MYRIP: variants seen among roughly 807,000 people sequenced by gnomAD.
MYRIP encodes myosin VIIA and Rab interacting protein.
MYRIP carries 49 observed loss-of-function variants against 98.0 expected under a neutral mutation model. That is an observed-to-expected ratio of 0.50 (90% CI 0.40 to 0.63). MYRIP has a LOEUF of 0.63. Among genes scored for constraint, MYRIP ranks in the 30% least tolerant of loss-of-function variants. The probability of loss-of-function intolerance (pLI) is 0.00; values close to 1 mark genes in which losing one functional copy is unlikely to be tolerated. For missense variants in MYRIP, 1,004 were observed against 1,058.2 expected (o/e 0.95, Z 0.71); for synonymous variants, 404 against 409.5 (o/e 0.99, Z 0.16).
intron 2 of MYRIP, among the ~76,000 whole-genome samples, chr3:40,020,003 AT>A (rs1946954365): frequency 6.6e-6 from 1 of 152,190 alleles, no homozygotes; most frequent in African/African-American, 2.4e-5. Flanking sequence ...TTCAGCTTTT[AT>A]TTTAGATTCA....
At chr3:40,059,285 T>C (rs962829479) in intron 3 of MYRIP, among the ~76,000 whole-genome samples, 6 of 152,226 alleles carry the variant, frequency 3.9e-5, no homozygotes, top group African/African-American at 1.4e-4. Flanking sequence ...TCTAATCCTT[T>C]GGGTATATAC....
intron 10 of MYRIP, among the ~76,000 whole-genome samples, chr3:40,192,485 ATGACTGCAAGTGCATTTGGTG>A (rs1390791169): frequency 6.6e-6 from 1 of 151,714 alleles, no homozygotes; most frequent in African/African-American, 2.4e-5. Flanking sequence ...CTCCACCAAA[ATGACTGCAAGTGCATTTGGTG>A]TGAATCCATG....
intron 2 of MYRIP, among the ~76,000 whole-genome samples, chr3:39,908,619 T>C (rs1337263766): frequency 2.0e-5 from 3 of 152,250 alleles, no homozygotes; most frequent in East Asian, 1.9e-4. Flanking sequence ...CATGGTACTT[T>C]AATAAAATGA....
intron 1 of MYRIP, among the ~76,000 whole-genome samples, chr3:39,860,706 C>T (rs894939340): frequency 6.6e-6 from 1 of 152,198 alleles, no homozygotes; most frequent in African/African-American, 2.4e-5. Flanking sequence ...AGCCCACCTA[C>T]TCCCTGCCCC....
intron 9 of MYRIP, among the ~76,000 whole-genome samples, chr3:40,187,912 C>T (rs1951080667): frequency 6.6e-6 from 1 of 152,156 alleles, no homozygotes; most frequent in African/African-American, 2.4e-5. Flanking sequence ...GTCACTAGGG[C>T]TTTACTACAT....
rs139198708 is a variant in MYRIP, at chr3:39,936,838, C to T, written c.110+35912C>T. On this transcript the variant is annotated intron_variant, in intron 2 of 16. Transcript: ENST00000302541. Reference sequence around the variant, plus strand: ...CGTGTGTATCTCTGTTGCACTGAAGCCAAGTTGTCATTCTCCAGGTCCCTA... The same window carrying T: ...CGTGTGTATCTCTGTTGCACTGAAGTCAAGTTGTCATTCTCCAGGTCCCTA... 4.6e-3 allele frequency among the ~76,000 whole-genome samples: 706 copies of T among 152,122 alleles called. 5 individuals carry two copies. The highest frequency in any genetic ancestry group is 0.016 in the African/African-American group (677 of 41,492).
chr3:40,245,999 C>T (rs915871840), intron 13 of MYRIP, among the ~76,000 whole-genome samples: 1 of 148,334 alleles, frequency 6.7e-6, no homozygotes. Context: ...TGACCTCAGG[C>T]GATCCACCCG....
At chr3:39,913,274 C>T (rs983013097) in intron 2 of MYRIP, among the ~76,000 whole-genome samples, 1 of 152,090 alleles carries the variant, frequency 6.6e-6, no homozygotes, top group African/African-American at 2.4e-5. Flanking sequence ...TGCTTCTCTG[C>T]TTAGAGGATA....
chr3:40,228,137 G>T (rs1006519256), intron 11 of MYRIP, among the ~76,000 whole-genome samples: 2 of 152,080 alleles, frequency 1.3e-5, no homozygotes, highest in African/African-American at 4.8e-5. Flanking sequence ...GGCCCCCATG[G>T]ATATCTAGAG....
At chr3:39,880,081 A>C (rs1422562082) in intron 1 of MYRIP, among the ~76,000 whole-genome samples, 1 of 151,726 alleles carries the variant, frequency 6.6e-6, no homozygotes, top group Non-Finnish European at 1.5e-5. Context: ...TTATACTTTA[A>C]ATTTTAGGGT....
At chr3:40,017,495 CT>C (rs1946889741) in intron 2 of MYRIP, among the ~76,000 whole-genome samples, 3 of 152,236 alleles carry the variant, frequency 2.0e-5, no homozygotes, top group African/African-American at 7.2e-5. Flanking sequence ...CAGCTGACCC[CT>C]GATTCTGTAT....
chr3:40,158,720 T>C (rs929114953), intron 4 of MYRIP, among the ~76,000 whole-genome samples: 5 of 151,980 alleles, frequency 3.3e-5, no homozygotes, highest in African/African-American at 1.2e-4. Context: ...TTAGCTCTTC[T>C]TGTTGAATTG....
intron 3 of MYRIP, among the ~76,000 whole-genome samples, chr3:40,093,839 A>G (rs998809026): frequency 6.6e-6 from 1 of 152,310 alleles, no homozygotes; most frequent in African/African-American, 2.4e-5. Flanking sequence ...GCAATCATCT[A>G]TGCTTTCCTC....
At chr3:39,959,316 A>G (rs1575414889) in intron 2 of MYRIP, among the ~76,000 whole-genome samples, 1 of 152,372 alleles carries the variant, frequency 6.6e-6, no homozygotes, top group East Asian at 1.9e-4. Context: ...AATGTGGCAC[A>G]TATACACCAT....
At position 40,189,865 on chromosome 3, in the gene MYRIP, T is replaced by C. The variant is rs777694968; in HGVS notation, c.1067T>C (p.Val356Ala). ...PVLQSPDGNW[V>A]ALKDGAPPPT... ...TTGCAGAGCCCCGACGGGAACTGGG[T>C]GGCCCTGAAGGATGGCGCTCCACCC... is the stretch of plus-strand genomic sequence containing the variant. The change falls in exon 10 of 17, where the codon GTG becomes GCG. Residue 356 changes from valine to alanine, a missense_variant. Val to Ala is a moderately conservative substitution (Grantham distance 64). Around this residue, in one of 3 missense-constraint regions of MYRIP, gnomAD observed 880 missense variants for 907.7 expected, o/e 0.97. Transcript: ENST00000302541. 6.2e-7 allele frequency: 1 copy of C among 1,613,904 alleles called. No homozygotes were observed. Among genetic ancestry groups the C allele is most frequent in the Non-Finnish European group, 8.5e-7 (1 of 1,179,940 alleles).
At chr3:39,897,924 AC>A in intron 1 of MYRIP, among the ~76,000 whole-genome samples, 1 of 152,052 alleles carries the variant, frequency 6.6e-6, no homozygotes, top group African/African-American at 2.4e-5. Flanking sequence ...ATTCTCAGAA[AC>A]CAAAAGCCAG....
In MYRIP at chr3:39,816,611, G is replaced by A. The variant is rs145978896; in HGVS notation, c.-31+6695G>A. 9.2e-4 allele frequency among the ~76,000 whole-genome samples: 140 copies of A among 152,276 alleles called. 1 individual carries two copies. The Middle Eastern group carries it at 0.017, about 18-fold the overall frequency. On this transcript the variant is annotated intron_variant, in intron 1 of 16. Coordinates refer to ENST00000302541, the MANE Select transcript of MYRIP (RefSeq NM_015460.4). ...AGTTAGTAATAAATTATCAAAGAGCGTTGATTTGGAGTCCTGAGGAGGAGG... is the reference window on the plus strand; with the variant it reads ...AGTTAGTAATAAATTATCAAAGAGCATTGATTTGGAGTCCTGAGGAGGAGG...
At chr3:40,163,721 C>T (rs1950444264) in intron 5 of MYRIP, among the ~76,000 whole-genome samples, 1 of 152,094 alleles carries the variant, frequency 6.6e-6, no homozygotes, top group African/African-American at 2.4e-5. Context: ...CTGAATTATA[C>T]CACTGCTCTT....
At chr3:39,853,454 C>T (rs1294604804) in intron 1 of MYRIP, among the ~76,000 whole-genome samples, 1 of 152,102 alleles carries the variant, frequency 6.6e-6, no homozygotes, top group African/African-American at 2.4e-5. Context: ...ACCATTCTTG[C>T]AGGAGTAAGG....
Sources: gnomAD v4.1 joint callset for allele counts (sites outside exome capture counted in the v4.1 genomes callset) on GRCh38, gnomAD v4.1.1 for gene constraint, gnomAD v4.1.1 regional missense constraint, MANE v1.5 for transcripts, NCBI Gene and HGNC (gene_info 2026-07-23, HGNC 2026-07-21) for gene names.